The following DCHS2 variants were observed in gnomAD, a reference collection of about 807,000 sequenced individuals.
The protein encoded by DCHS2 is dachsous cadherin-related 2, also known as protocadherin-23.
In DCHS2, 142 loss-of-function variants were observed where a neutral mutation model predicts 182.4. That is an observed-to-expected ratio of 0.78 (90% CI 0.68 to 0.89). The LOEUF is 0.89. Among genes scored for constraint, DCHS2 ranks in the 40% least tolerant of loss-of-function variants. DCHS2 has a pLI of 0.00. For synonymous variants in DCHS2, 1,740 were observed against 1,663.3 expected, an observed-to-expected ratio of 1.05 and a Z score of -1.12; for missense variants, 4,319 against 4,198.6, an observed-to-expected ratio of 1.03 and a Z score of -0.79.
At position 154,235,440 on chromosome 4, in the gene DCHS2, C is replaced by A. The variant is rs770448499; in HGVS notation, c.9212G>T (p.Trp3071Leu). 78 of 1,613,900 alleles carry A rather than the reference C, an allele frequency of 4.8e-5. No homozygotes were observed. Among genetic ancestry groups the A allele is most frequent in the Non-Finnish European group, 6.2e-5 (73 of 1,179,976 alleles). The change falls in exon 20 of 20, where the codon TGG becomes TTG. Residue 3071 changes from tryptophan to leucine, a missense_variant. Coordinates refer to ENST00000357232, the MANE Select transcript of DCHS2 (RefSeq NM_001358235.2). ...CTCCATGATACTTATTAAACTCAAC[C>A]ATTCCGGAGTGGCATCCACAGGGAC... ...EVVPVDATPE[W>L]LSLISIMEKD...
rs75602216 is a variant in DCHS2 at position 154,329,508 on chromosome 4, G to A, written c.3918+15C>T. 80,435 of 1,606,544 alleles carry A rather than the reference G, an allele frequency of 0.05. 2,308 individuals carry two copies. Among genetic ancestry groups the A allele is most frequent in the Non-Finnish European group, 0.06 (69,902 of 1,174,312 alleles). On this transcript the variant is annotated intron_variant, in intron 6 of 19. Coordinates refer to ENST00000357232, the MANE Select transcript of DCHS2 (RefSeq NM_001358235.2). Reference sequence around the variant, plus strand: ...TTAAGATATTACAAATTCATTGCAAGGTTTCTTCACAAACCTTCACGTGTA... The same window carrying A: ...TTAAGATATTACAAATTCATTGCAAAGTTTCTTCACAAACCTTCACGTGTA...
intron 1 of DCHS2, among the ~76,000 whole-genome samples, chr4:154,403,570 T>C (rs1732279324): frequency 1.3e-5 from 2 of 152,174 alleles, no homozygotes; most frequent in Admixed American, 1.3e-4. Context: ...GATTTTTATG[T>C]CTATGTTCAT....
intron 1 of DCHS2, among the ~76,000 whole-genome samples, chr4:154,484,182 G>T (rs1728496502): frequency 1.3e-5 from 2 of 151,992 alleles, no homozygotes; most frequent in Admixed American, 1.3e-4. Flanking sequence ...TTATTCCTTT[G>T]TGATACCTCT....
chr4:154,237,394 C>T, intron 19 of DCHS2: 1 of 499,236 alleles, frequency 2.0e-6, no homozygotes, highest in Non-Finnish European at 3.0e-6. Flanking sequence ...ATGTGTGCTG[C>T]TTGAGGTTGC....
chr4:154,316,045 C>A, intron 9 of DCHS2, 58 bp from the exon 10 acceptor site: 2 of 1,591,190 alleles, frequency 1.3e-6, no homozygotes, highest in Non-Finnish European at 1.7e-6. Flanking sequence ...AGAAGTCATG[C>A]TTACTCCACT....
At chr4:154,256,652 AAATT>A (rs1732689756) in intron 15 of DCHS2, among the ~76,000 whole-genome samples, 1 of 152,174 alleles carries the variant, frequency 6.6e-6, no homozygotes, top group Non-Finnish European at 1.5e-5. Context: ...ACAAGTTGAC[AAATT>A]AATTAATTAC....
intron 1 of DCHS2, among the ~76,000 whole-genome samples, chr4:154,420,257 A>G (rs1455855435): frequency 6.8e-6 from 1 of 147,236 alleles, no homozygotes; most frequent in Non-Finnish European, 1.5e-5. Context: ...AGATAGATAG[A>G]TAGATAGATA....
At chr4:154,382,964 C>T (rs756554925) in intron 1 of DCHS2, among the ~76,000 whole-genome samples, 10 of 151,892 alleles carry the variant, frequency 6.6e-5, no homozygotes, top group Admixed American at 1.3e-4. Flanking sequence ...AACTACCATT[C>T]GAACAATAAT....
intron 5 of DCHS2, among the ~76,000 whole-genome samples, chr4:154,330,583 AT>A (rs1293867443): frequency 6.6e-6 from 1 of 152,194 alleles, no homozygotes; most frequent in Non-Finnish European, 1.5e-5. Flanking sequence ...TGAAAAAAAA[AT>A]GTACCTGTGA....
intron 1 of DCHS2, among the ~76,000 whole-genome samples, chr4:154,382,816 A>T (rs1190066384): frequency 6.6e-6 from 1 of 152,174 alleles, no homozygotes; most frequent in Non-Finnish European, 1.5e-5. Flanking sequence ...TGCACCAGTC[A>T]GAATAGCTAT....
rs1224600404 is a variant in DCHS2 at position 154,491,313 on chromosome 4, G to T, written c.43C>A (p.Arg15=). 9.0e-6 allele frequency: 14 copies of T among 1,547,388 alleles called. No individual in the cohort carries two copies. The highest frequency in any genetic ancestry group is 1.2e-5 in the South Asian group (1 of 83,816). ...GRKMGEGRQQ[R]RAPVGKLLLL... ...AGGAGCTTCCCGACCGGAGCCCGCC[G>T]CTGCTGACGCCCTTCGCCCATCTTC... The change falls in exon 1 of 20, where the codon CGG becomes AGG. Residue 15 remains arginine, a synonymous_variant. Transcript: ENST00000357232.
chr4:154,258,469 C>A (rs2111166033), intron 15 of DCHS2, among the ~76,000 whole-genome samples: 1 of 141,954 alleles, frequency 7.0e-6, no homozygotes, highest in African/African-American at 2.6e-5. Context: ...CCTCTGCCTT[C>A]CAGGTTCAAG....
At chr4:154,302,852 AAT>A (rs1333347594) in intron 12 of DCHS2, among the ~76,000 whole-genome samples, 2 of 116,026 alleles carry the variant, frequency 1.7e-5, no homozygotes, top group African/African-American at 5.6e-5. Context: ...ACATATATGA[AAT>A]ATATATACGT....
Position 154,309,176 on chromosome 4 carries a change from G to A in DCHS2, c.5261-3945C>T, listed in dbSNP as rs573764506. On this transcript the variant is annotated intron_variant, in intron 10 of 19. Coordinates refer to ENST00000357232, the MANE Select transcript of DCHS2 (RefSeq NM_001358235.2). ...TTGTTCCCTCTGCCTGCTCTTTTCA[G>A]TTCTTCACATGGTGTATTATTTATT... is the stretch of plus-strand genomic sequence containing the variant. 2.3e-4 allele frequency among the ~76,000 whole-genome samples: 35 copies of A among 152,202 alleles called. 1 individual carries two copies. The highest frequency in any genetic ancestry group is 6.8e-3 in the Middle Eastern group (2 of 294).
At chr4:154,242,923 T>A (rs1731897280) in intron 16 of DCHS2, 151 bp from the exon 17 acceptor site, 1 of 1,260,662 alleles carries the variant, frequency 7.9e-7, no homozygotes, top group Admixed American at 3.2e-5. Context: ...TCATTTAAAA[T>A]GTATTTCATA....
chr4:154,261,713 A>G (rs556717236), intron 14 of DCHS2: 1 of 152,284 alleles, frequency 6.6e-6, no homozygotes, highest in African/African-American at 2.4e-5. Flanking sequence ...TTAACTCACT[A>G]TACTACCAAA....
intron 3 of DCHS2, among the ~76,000 whole-genome samples, chr4:154,365,651 C>A (rs896618223): frequency 4.1e-5 from 6 of 147,302 alleles, no homozygotes; most frequent in African/African-American, 1.5e-4. Flanking sequence ...GATAACAGTA[C>A]TTTTTTTTTT....
intron 10 of DCHS2, among the ~76,000 whole-genome samples, chr4:154,311,408 T>A (rs4696204): frequency 0.53 from 80,569 of 151,180 alleles, 22,267 homozygotes; most frequent in Admixed American, 0.63. Flanking sequence ...ATTTTTATAT[T>A]TTTTTTTGTA....
At chr4:154,421,021 G>A (rs1343396757) in intron 1 of DCHS2, among the ~76,000 whole-genome samples, 1 of 152,034 alleles carries the variant, frequency 6.6e-6, no homozygotes, top group Non-Finnish European at 1.5e-5. Flanking sequence ...GAAAAAAAAG[G>A]CTCAGAAGTC....
Sources: gnomAD v4.1 joint callset for allele counts (sites outside exome capture counted in the v4.1 genomes callset) on GRCh38, gnomAD v4.1.1 for gene constraint, MANE v1.5 for transcripts, NCBI Gene and HGNC (gene_info 2026-07-23, HGNC 2026-07-21) for gene names.